Variants in FLT1 observed in about 807,000 individuals in gnomAD.
FLT1 encodes fms related receptor tyrosine kinase 1, also known as vascular endothelial growth factor receptor 1.
Under a neutral mutation model 156.3 loss-of-function variants are expected in FLT1, and 49 were observed. The observed-to-expected ratio is 0.31, with a 90% CI of 0.25 to 0.40. The LOEUF is 0.40. Among genes scored for constraint, FLT1 ranks in the 10% least tolerant of loss-of-function variants. FLT1 has a pLI of 1.00. For synonymous variants in FLT1, 594 were observed against 583.8 expected (o/e 1.02, Z -0.25); for missense variants, 1,322 against 1,637.2 (o/e 0.81, Z 3.32).
chr13:28,386,660 G>A (rs1874383168), intron 13 of FLT1: 10 of 1,056,840 alleles, frequency 9.5e-6, no homozygotes, highest in Non-Finnish European at 1.1e-5. Flanking sequence ...AATTGAAAAT[G>A]CAGTCCTGTT....
chr13:28,311,920 A>T (rs764941678), intron 26 of FLT1, 73 bp downstream of exon 26: 42 of 1,040,588 alleles, frequency 4.0e-5, no homozygotes, highest in Non-Finnish European at 5.4e-5. Flanking sequence ...AATAGCTCTT[A>T]AAAAAAAAAC....
At chr13:28,368,211 T>C in intron 14 of FLT1, 1 of 319,528 alleles carries the variant, frequency 3.1e-6, no homozygotes, top group Non-Finnish European at 5.1e-6. Flanking sequence ...TGGAGTGCAG[T>C]ACACGATCTC....
At chr13:28,445,989 A>G (rs1444168758) in intron 3 of FLT1, among the ~76,000 whole-genome samples, 1 of 152,148 alleles carries the variant, frequency 6.6e-6, no homozygotes. Context: ...CAGGAATGCA[A>G]GATTGGTTTA....
chr13:28,317,916 A>G (rs1305645541), intron 24 of FLT1, among the ~76,000 whole-genome samples: 1 of 152,026 alleles, frequency 6.6e-6, no homozygotes, highest in Middle Eastern at 3.2e-3. Flanking sequence ...CCCACAAGTA[A>G]CTAAAGAAGT....
chr13:28,310,514 G>A (rs1303129301), intron 27 of FLT1, among the ~76,000 whole-genome samples: 1 of 152,160 alleles, frequency 6.6e-6, no homozygotes, highest in African/African-American at 2.4e-5. Context: ...TTGATACATG[G>A]AAAAAGCCTA....
chr13:28,380,648 G>A (rs748276384), intron 14 of FLT1, among the ~76,000 whole-genome samples: 28 of 138,454 alleles, frequency 2.0e-4, no homozygotes, highest in Non-Finnish European at 4.4e-4. Flanking sequence ...TATTCTTTTG[G>A]TTTGGCCCTC....
chr13:28,428,521 G>A (rs1380117681), intron 8 of FLT1, among the ~76,000 whole-genome samples: 2 of 151,694 alleles, frequency 1.3e-5, no homozygotes, highest in East Asian at 1.9e-4. Context: ...TTTTAAAAAC[G>A]TATTAAATAC....
At chr13:28,411,523 T>A (rs1196361484) in intron 10 of FLT1, among the ~76,000 whole-genome samples, 4 of 123,038 alleles carry the variant, frequency 3.3e-5, no homozygotes, top group Non-Finnish European at 6.3e-5. Flanking sequence ...TCCAGCCTGG[T>A]CAAGAAGAGC....
intron 10 of FLT1, among the ~76,000 whole-genome samples, chr13:28,407,369 C>CT (rs67075907): frequency 2.0e-5 from 3 of 151,662 alleles, no homozygotes; most frequent in East Asian, 1.9e-4. Context: ...TCATCTACCC[C>CT]TTTTTTTTCT....
intron 14 of FLT1, among the ~76,000 whole-genome samples, chr13:28,372,858 G>A (rs1402306046): frequency 6.6e-6 from 1 of 151,398 alleles, no homozygotes; most frequent in Non-Finnish European, 1.5e-5. Flanking sequence ...CTCCAGCTTG[G>A]CAACAGAGTG....
Position 28,340,699 on chromosome 13 carries a change from T to C in FLT1, c.2356-1399A>G, listed in dbSNP as rs559342419. ...ACACCCACTCGCATTCTTCAGCCCT[T>C]ACTCACTCTGTTCTGGGCTGTCACA... On this transcript the variant is annotated intron_variant, in intron 16 of 29. Transcript: ENST00000282397. Among the ~76,000 whole-genome samples, 3 of 152,322 alleles carry C rather than the reference T, an allele frequency of 2.0e-5. No individual in the cohort carries two copies. In the South Asian group the frequency reaches 6.2e-4, roughly 32 times the overall value.
chr13:28,447,846 G>A (rs975073437), intron 3 of FLT1, among the ~76,000 whole-genome samples: 12 of 149,832 alleles, frequency 8.0e-5, no homozygotes, highest in African/African-American at 2.9e-4. Flanking sequence ...TATATCTCTA[G>A]AACATATAAA....
At chr13:28,366,178 T>A (rs563007391) in intron 14 of FLT1, among the ~76,000 whole-genome samples, 1 of 152,218 alleles carries the variant, frequency 6.6e-6, no homozygotes, top group Admixed American at 6.5e-5. Flanking sequence ...ATAGATCTAC[T>A]GTGAAGGCCA....
In FLT1 at chr13:28,397,006, G is replaced by C; in HGVS notation, c.1614C>G (p.Ser538=). The stretch of plus-strand genomic sequence containing the variant: ...TTCTTCCCACAGTCCCAACTTTATT[G>C]GAAGCTATGCAAATGTAGATTCCAG... ...RISGIYICIA[S]NKVGTVGRNI... The change falls in exon 12 of 30, where the codon TCC becomes TCG. Residue 538 remains serine, a synonymous_variant. Coordinates refer to ENST00000282397, the MANE Select transcript of FLT1 (RefSeq NM_002019.4). 6.2e-7 allele frequency: 1 copy of C among 1,613,528 alleles called. No individual in the cohort carries two copies. Among genetic ancestry groups the C allele is most frequent in the Non-Finnish European group, 8.5e-7 (1 of 1,179,482 alleles).
chr13:28,312,784 T>C (rs1290731645), intron 25 of FLT1, among the ~76,000 whole-genome samples: 4 of 151,692 alleles, frequency 2.6e-5, no homozygotes, highest in Non-Finnish European at 5.9e-5. Flanking sequence ...CTGATCATTC[T>C]CCCCCAGCAC....
intron 11 of FLT1, among the ~76,000 whole-genome samples, chr13:28,401,173 C>A (rs1175657124): frequency 6.6e-6 from 1 of 152,040 alleles, no homozygotes; most frequent in Non-Finnish European, 1.5e-5. Flanking sequence ...TTGCAGTGAG[C>A]CGAGATCATG....
intron 10 of FLT1, among the ~76,000 whole-genome samples, chr13:28,422,876 G>A (rs1877092614): frequency 6.6e-6 from 1 of 152,114 alleles, no homozygotes; most frequent in African/African-American, 2.4e-5. Flanking sequence ...CCTCTCCTGG[G>A]TTCCTGAAAT....
intron 1 of FLT1, among the ~76,000 whole-genome samples, chr13:28,484,939 G>C (rs1881065712): frequency 7.3e-6 from 1 of 137,766 alleles, no homozygotes; most frequent in Non-Finnish European, 1.5e-5. Flanking sequence ...TGTGGTGTGG[G>C]GGGAGGGGGG....
chr13:28,382,864 T>G (rs756278081), intron 14 of FLT1, among the ~76,000 whole-genome samples: 1 of 152,136 alleles, frequency 6.6e-6, no homozygotes, highest in Admixed American at 6.6e-5. Flanking sequence ...ACCTGCTGAG[T>G]GTAAGGTCTC....
Sources: allele counts gnomAD v4.1 joint callset (sites outside exome capture counted in the v4.1 genomes callset), GRCh38; gene constraint gnomAD v4.1.1; transcripts MANE v1.5; gene names NCBI Gene and HGNC (gene_info 2026-07-23, HGNC 2026-07-21).